The following PSD4 variants were observed in gnomAD, a reference collection of about 807,000 sequenced individuals.
The protein encoded by PSD4 is pleckstrin and Sec7 domain containing 4.
PSD4 carries 59 observed loss-of-function variants against 112.5 expected under a neutral mutation model. The ratio of observed to expected loss-of-function variants is 0.52; its 90% CI spans 0.43 to 0.65. PSD4 has a LOEUF of 0.65. Among genes scored for constraint, PSD4 ranks in the 30% least tolerant of loss-of-function variants. The pLI, the probability that PSD4 is intolerant of heterozygous loss-of-function variation, is 0.00. For synonymous variants in PSD4, 533 were observed against 540.0 expected (o/e 0.99, Z 0.18); for missense variants, 1,267 against 1,352.6 (o/e 0.94, Z 0.99).
Position 113,196,166 on chromosome 2 carries a change from A to G in PSD4, c.2245A>G (p.Arg749Gly). The change falls in exon 12 of 17, where the codon AGA becomes GGA. Residue 749 changes from arginine to glycine, a missense_variant. Physicochemically the swap from Arg to Gly is moderately radical, Grantham distance 125. This residue lies in a region of PSD4 where 544 missense variants were observed against 648.6 expected (regional missense o/e 0.84). Coordinates refer to ENST00000245796, the MANE Select transcript of PSD4 (RefSeq NM_012455.3). ...GTTCAGGGATGAAGAAGACACAGCC[A>G]GACCTGAGAAGGCCCAGCCGTCCCT... Reference protein sequence around the residue: ...EWAVDEEDTARPEKAQPSLPA... With the variant: ...EWAVDEEDTAGPEKAQPSLPA... 6.2e-7 allele frequency: 1 copy of G among 1,613,048 alleles called. No individual in the cohort carries two copies. The highest frequency in any genetic ancestry group is 8.5e-7 in the Non-Finnish European group (1 of 1,179,086).
rs778207633 is a variant in PSD4 at position 113,204,415 on chromosome 2, C to T, written c.*3000C>T. 1.3e-5 allele frequency: 2 copies of T among 152,382 alleles called. No individual in the cohort carries two copies. The allele number at this position is 152,382 out of a possible 1,614,324, so 9.4% of individuals were successfully genotyped here. The stretch of plus-strand genomic sequence containing the variant: ...CTGGAAGGTGAAAGCTGAGCAGGCT[C>T]CAGTCCCCATCCTAGGTATGGAACA... On this transcript the variant is annotated 3_prime_UTR_variant, in exon 17 of 17. Transcript: ENST00000245796.
At chr2:113,197,499 G>A in intron 12 of PSD4, 65 bp from the exon 13 acceptor site, 2 of 1,571,864 alleles carry the variant, frequency 1.3e-6, no homozygotes, top group South Asian at 1.1e-5. Context: ...ACACTTGCGT[G>A]TGTCTGAGTG....
At chr2:113,179,712 T>C (rs1392038462) in intron 1 of PSD4, among the ~76,000 whole-genome samples, 1 of 152,242 alleles carries the variant, frequency 6.6e-6, no homozygotes, top group East Asian at 1.9e-4. Context: ...GGAGCCACTC[T>C]GGTTCAAACA....
At position 113,182,860 on chromosome 2, in the gene PSD4, C is replaced by T. The variant is rs780619280; in HGVS notation, c.404C>T (p.Pro135Leu). The T allele has an allele frequency of 2.5e-6, 4 of 1,614,078 alleles. No homozygotes were observed. The highest frequency in any genetic ancestry group is 2.2e-5 in the South Asian group (2 of 91,078). The change falls in exon 2 of 17, where the codon CCA (proline) becomes CTA (leucine). Residue 135 changes from proline to leucine, a missense_variant. By Grantham distance (98) the Pro-to-Leu change is moderately conservative (BLOSUM62 -3). Coordinates refer to ENST00000245796, the MANE Select transcript of PSD4 (RefSeq NM_012455.3). The part of the protein sequence containing the change: ...HRQNTASPGS[P>L]VNSHLPGSPK... ...CAGAACACAGCATCACCAGGGTCACCAGTGAACAGCCATCTACCGGGGAGC... is the reference window on the plus strand; with the variant it reads ...CAGAACACAGCATCACCAGGGTCACTAGTGAACAGCCATCTACCGGGGAGC...
intron 1 of PSD4, chr2:113,175,373 G>A (rs1242159990): frequency 1.3e-5 from 2 of 151,638 alleles, no homozygotes; most frequent in African/African-American, 4.9e-5. Context: ...GTGTGTGTGT[G>A]TGTGCGTGCA....
At chr2:113,196,414 ACAGG>A in intron 12 of PSD4, 107 bp downstream of exon 12, 1 of 1,392,990 alleles carries the variant, frequency 7.2e-7, no homozygotes, top group Non-Finnish European at 9.7e-7. Flanking sequence ...CGCGTTGAGG[ACAGG>A]CAGCCAGCCC....
intron 14 of PSD4, 50 bp from the exon 15 acceptor site, chr2:113,198,690 G>T (rs762032037): frequency 6.7e-7 from 1 of 1,495,782 alleles, no homozygotes; most frequent in South Asian, 1.3e-5. Context: ...GGAGGAGGGT[G>T]ACAGGACGGA....
At chr2:113,178,896 AG>A (rs1688048233) in intron 1 of PSD4, among the ~76,000 whole-genome samples, 1 of 152,136 alleles carries the variant, frequency 6.6e-6, no homozygotes, top group Non-Finnish European at 1.5e-5. Context: ...AGAGACGTGG[AG>A]GGTGGCTTTG....
rs974045154 is a variant in PSD4 at position 113,182,405 on chromosome 2, G to T, written c.-52G>T. The T allele has an allele frequency of 6.7e-7, 1 of 1,483,224 alleles. No individual in the cohort carries two copies. The highest frequency in any genetic ancestry group is 1.3e-5 in the South Asian group (1 of 78,654). 91.9% of individuals were successfully genotyped at this position (1,483,224 alleles called of 1,614,324 possible). On this transcript the variant is annotated 5_prime_UTR_variant, in exon 2 of 17. Coordinates refer to ENST00000245796, the MANE Select transcript of PSD4 (RefSeq NM_012455.3). The stretch of plus-strand genomic sequence containing the variant: ...GTGCTCCCCCTAGTCCACACAGTGA[G>T]ACCGTGAAAGCAGATGCTCCGGGGC...
intron 11 of PSD4, 44 bp downstream of exon 11, chr2:113,195,814 CT>C: frequency 6.2e-7 from 1 of 1,612,470 alleles, no homozygotes; most frequent in Non-Finnish European, 8.5e-7. Flanking sequence ...CCCCTCTCCC[CT>C]GTCTTTGGAC....
intron 11 of PSD4, 104 bp downstream of exon 11, chr2:113,195,874 C>T: frequency 6.7e-7 from 1 of 1,491,440 alleles, no homozygotes. Context: ...TCAGATAGTG[C>T]TCCCCTTGGA....
chr2:113,192,557 G>A lies in PSD4; in HGVS notation c.1806G>A (p.Arg602=), dbSNP rs765969506. 9.9e-6 allele frequency: 16 copies of A among 1,614,070 alleles called. No individual in the cohort carries two copies. The South Asian group carries it at 1.8e-4, about 18-fold the overall frequency. ...ASRLYRLEGF[R]KSEVAAYLQK... ...GCCTCTATCGCCTGGAGGGCTTCCGGAAGTCTGAAGTGGCTGCCTACCTGC... is the reference window on the plus strand; with the variant it reads ...GCCTCTATCGCCTGGAGGGCTTCCGAAAGTCTGAAGTGGCTGCCTACCTGC... The change falls in exon 6 of 17, where the codon CGG becomes CGA. Residue 602 remains arginine (R), a synonymous_variant. Transcript: ENST00000245796.
intron 11 of PSD4, 46 bp from the exon 12 acceptor site, chr2:113,196,101 T>A: frequency 6.3e-7 from 1 of 1,584,344 alleles, no homozygotes; most frequent in Non-Finnish European, 8.6e-7. Flanking sequence ...ACCTCCCAGT[T>A]CTCTTTGCAT....
At chr2:113,177,030 C>T (rs1558884153) in intron 1 of PSD4, among the ~76,000 whole-genome samples, 2 of 152,216 alleles carry the variant, frequency 1.3e-5, no homozygotes, top group South Asian at 2.1e-4. Flanking sequence ...ACACAGTGCC[C>T]CCTGCACAAA....
At chr2:113,187,185 G>A (rs35873106) in intron 5 of PSD4, among the ~76,000 whole-genome samples, 12,266 of 152,144 alleles carry the variant, frequency 0.081, 638 homozygotes, top group East Asian at 0.24. Context: ...TCCAGGTCTG[G>A]GGCCCTGCGC....
At chr2:113,196,448 T>C in intron 12 of PSD4, 141 bp downstream of exon 12, 1 of 1,087,112 alleles carries the variant, frequency 9.2e-7, no homozygotes. Context: ...CCTCAGTGCG[T>C]ACTGAACAGT....
At chr2:113,200,170 C>T (rs1378429059) in intron 16 of PSD4, among the ~76,000 whole-genome samples, 1 of 152,126 alleles carries the variant, frequency 6.6e-6, no homozygotes, top group East Asian at 1.9e-4. Context: ...AATGTTTTAT[C>T]CCTTAGTCTC....
intron 5 of PSD4, among the ~76,000 whole-genome samples, chr2:113,191,798 A>G (rs3791339): frequency 0.89 from 135,810 of 151,816 alleles, 61,499 homozygotes; most frequent in Non-Finnish European, 0.97. Context: ...TGTTCACACT[A>G]GGTCATAGGT....
At chr2:113,178,098 G>C (rs1320831992) in intron 1 of PSD4, among the ~76,000 whole-genome samples, 1 of 152,098 alleles carries the variant, frequency 6.6e-6, no homozygotes, top group African/African-American at 2.4e-5. Flanking sequence ...GGTGCCTGTA[G>C]TCCCAGCTAC....
Sources: gnomAD v4.1 joint callset for allele counts (sites outside exome capture counted in the v4.1 genomes callset) on GRCh38, gnomAD v4.1.1 for gene constraint, gnomAD v4.1.1 regional missense constraint, MANE v1.5 for transcripts, NCBI Gene and HGNC (gene_info 2026-07-23, HGNC 2026-07-21) for gene names.